NXPH1: variants seen among roughly 807,000 people sequenced by gnomAD.
NXPH1 encodes neurexophilin 1, also known as neurexophilin-1.
A neutral mutation model predicts 23.7 loss-of-function variants in NXPH1; 5 were observed. The observed-to-expected ratio is 0.21, with a 90% CI of 0.11 to 0.44. The LOEUF is 0.44. Ranked by LOEUF, NXPH1 falls within the 20% of genes least tolerant of loss-of-function variation. The pLI, the probability that NXPH1 is intolerant of heterozygous loss-of-function variation, is 0.99. For synonymous variants in NXPH1, 144 were observed against 122.2 expected, an observed-to-expected ratio of 1.18 and a Z score of -1.18; for missense variants, 324 against 321.6, an observed-to-expected ratio of 1.01 and a Z score of -0.06.
intron 2 of NXPH1, among the ~76,000 whole-genome samples, chr7:8,524,454 A>G (rs1817830542): frequency 6.6e-6 from 1 of 151,906 alleles, no homozygotes; most frequent in Non-Finnish European, 1.5e-5. Flanking sequence ...CAGCTGTCCC[A>G]TTTTTTCCTT....
intron 2 of NXPH1, among the ~76,000 whole-genome samples, chr7:8,444,467 G>A (rs1234423596): frequency 1.3e-5 from 2 of 152,110 alleles, no homozygotes; most frequent in Non-Finnish European, 2.9e-5. Flanking sequence ...AACTGCCCAG[G>A]GTCTTGCCTG....
At chr7:8,516,847 A>G (rs1022175002) in intron 2 of NXPH1, among the ~76,000 whole-genome samples, 3 of 152,112 alleles carry the variant, frequency 2.0e-5, no homozygotes, top group Non-Finnish European at 4.4e-5. Context: ...GAGAGAGCCA[A>G]TGCCCAGGGT....
chr7:8,746,626 G>A (rs1780474210), intron 2 of NXPH1, among the ~76,000 whole-genome samples: 1 of 151,974 alleles, frequency 6.6e-6, no homozygotes, highest in Non-Finnish European at 1.5e-5. Context: ...ACATTGTTTG[G>A]AGTTCAATAT....
intron 2 of NXPH1, among the ~76,000 whole-genome samples, chr7:8,639,542 C>T (rs1481910085): frequency 1.3e-5 from 2 of 151,880 alleles, no homozygotes; most frequent in African/African-American, 4.8e-5. Flanking sequence ...TTGTTATTTT[C>T]ATTGACATTT....
At chr7:8,476,970 G>C (rs1483309562) in intron 2 of NXPH1, among the ~76,000 whole-genome samples, 1 of 152,112 alleles carries the variant, frequency 6.6e-6, no homozygotes, top group Non-Finnish European at 1.5e-5. Flanking sequence ...TTAAATTGAA[G>C]ACTAGCTGGG....
At chr7:8,625,162 G>A (rs1008843921) in intron 2 of NXPH1, among the ~76,000 whole-genome samples, 30 of 152,072 alleles carry the variant, frequency 2.0e-4, no homozygotes, top group African/African-American at 6.8e-4. Flanking sequence ...CAACCTCACT[G>A]ATTTACAATG....
chr7:8,630,994 C>A (rs966106343), intron 2 of NXPH1, among the ~76,000 whole-genome samples: 4 of 152,038 alleles, frequency 2.6e-5, no homozygotes, highest in Non-Finnish European at 5.9e-5. Flanking sequence ...TTCTCATCAT[C>A]TAGTTCCCAC....
intron 2 of NXPH1, among the ~76,000 whole-genome samples, chr7:8,748,105 C>A (rs1454734688): frequency 6.6e-6 from 1 of 152,124 alleles, no homozygotes; most frequent in Non-Finnish European, 1.5e-5. Flanking sequence ...ATCCTCCTCT[C>A]CCAAGGAATA....
chr7:8,530,338 AT>A (rs1279389620), intron 2 of NXPH1, among the ~76,000 whole-genome samples: 1 of 152,230 alleles, frequency 6.6e-6, no homozygotes, highest in Admixed American at 6.5e-5. Flanking sequence ...ACGTGTTAGA[AT>A]ACAAAGAACA....
At chr7:8,628,431 A>G (rs1820044610) in intron 2 of NXPH1, among the ~76,000 whole-genome samples, 1 of 151,804 alleles carries the variant, frequency 6.6e-6, no homozygotes, top group East Asian at 1.9e-4. Flanking sequence ...AAAAGCAAAA[A>G]CCAAACTAAA....
At chr7:8,702,635 G>C (rs1779642484) in intron 2 of NXPH1, among the ~76,000 whole-genome samples, 1 of 151,988 alleles carries the variant, frequency 6.6e-6, no homozygotes, top group Admixed American at 6.6e-5. Flanking sequence ...CATTTAGTGT[G>C]GACAATAATG....
intron 2 of NXPH1, among the ~76,000 whole-genome samples, chr7:8,570,236 T>C (rs187661153): frequency 1.3e-5 from 2 of 152,074 alleles, no homozygotes; most frequent in Non-Finnish European, 1.5e-5. Context: ...AGCAGTTTCA[T>C]GCAGTTCAAC....
At chr7:8,631,103 A>T (rs557442953) in intron 2 of NXPH1, among the ~76,000 whole-genome samples, 1 of 152,258 alleles carries the variant, frequency 6.6e-6, no homozygotes, top group East Asian at 1.9e-4. Context: ...AAAGGACATG[A>T]CCTCATTCTT....
chr7:8,472,878 C>T (rs545898186), intron 2 of NXPH1, among the ~76,000 whole-genome samples: 1 of 152,280 alleles, frequency 6.6e-6, no homozygotes, highest in Admixed American at 6.5e-5. Flanking sequence ...TCCTGGCATT[C>T]CTACAGGCTT....
chr7:8,566,789 C>T (rs1393551295), intron 2 of NXPH1, among the ~76,000 whole-genome samples: 3 of 151,796 alleles, frequency 2.0e-5, no homozygotes, highest in African/African-American at 4.8e-5. Flanking sequence ...TGGCCTGGGT[C>T]TTGGGACTTA....
chr7:8,691,268 C>G (rs1821217260), intron 2 of NXPH1, among the ~76,000 whole-genome samples: 1 of 152,110 alleles, frequency 6.6e-6, no homozygotes, highest in Non-Finnish European at 1.5e-5. Context: ...CCTCCCTCAG[C>G]CTTCTGAGTA....
intron 2 of NXPH1, among the ~76,000 whole-genome samples, chr7:8,718,765 A>G (rs1779918021): frequency 1.3e-5 from 2 of 152,228 alleles, no homozygotes; most frequent in Non-Finnish European, 2.9e-5. Flanking sequence ...TTGAAACCAG[A>G]AAAGCAAATC....
chr7:8,663,921 TAGAACG>T (rs1820720091), intron 2 of NXPH1, among the ~76,000 whole-genome samples: 1 of 152,084 alleles, frequency 6.6e-6, no homozygotes, highest in South Asian at 2.1e-4. Flanking sequence ...TTACTGGATT[TAGAACG>T]CCATGTATGA....
intron 2 of NXPH1, among the ~76,000 whole-genome samples, chr7:8,667,904 A>G (rs1243118546): frequency 1.3e-5 from 2 of 151,604 alleles, no homozygotes; most frequent in Admixed American, 6.6e-5. Context: ...CTCTGATTGT[A>G]TATTTTAAAA....
Sources: gnomAD v4.1 joint callset for allele counts (sites outside exome capture counted in the v4.1 genomes callset) on GRCh38, gnomAD v4.1.1 for gene constraint, MANE v1.5 for transcripts, NCBI Gene and HGNC (gene_info 2026-07-23, HGNC 2026-07-21) for gene names.